PRDM2: variants seen among roughly 807,000 people sequenced by gnomAD.
PRDM2 encodes the protein PR domain zinc finger protein 2.
A neutral mutation model predicts 130.0 loss-of-function variants in PRDM2; 30 were observed. The observed-to-expected ratio is 0.23, with a 90% CI of 0.17 to 0.31. The LOEUF (loss-of-function observed/expected upper bound fraction) is 0.31. Ranked by LOEUF, PRDM2 falls within the 10% of genes least tolerant of loss-of-function variation. The probability of loss-of-function intolerance (pLI) is 1.00; values close to 1 mark genes in which losing one functional copy is unlikely to be tolerated. For missense variants in PRDM2, 2,011 were observed against 2,108.4 expected (o/e 0.95, Z 0.90); for synonymous variants, 871 against 782.4 (o/e 1.11, Z -1.89).
In PRDM2 at chr1:13,771,782, T is replaced by TC. The variant is rs1644366049; in HGVS notation, c.512-1296_512-1295insC. On this transcript the variant is annotated intron_variant, in intron 6 of 9. Transcript: ENST00000311066. This position sits in a 1 kb window ranked among gnomAD's most constrained non-coding sequence, Gnocchi z 4.1. ...AAATGGTATTTTAGAATTTACGTTT[T>TC]AAGACTAACAAGCAAAATGACTGTT... 6.6e-6 allele frequency: 1 copy of TC among 152,210 alleles called. No homozygotes were observed. Among genetic ancestry groups the TC allele is most frequent in the African/African-American group, 2.4e-5 (1 of 41,452 alleles). The allele number at this position is 152,210 out of a possible 1,614,324, so 9.4% of individuals were successfully genotyped here.
intron 4 of PRDM2, 64 bp from the exon 5 acceptor site, chr1:13,741,941 A>G: frequency 7.6e-7 from 1 of 1,321,664 alleles, no homozygotes; most frequent in Non-Finnish European, 1.1e-6. Context: ...AAAAGTTAAA[A>G]ATGGAGGCAT....
At chr1:13,729,500 T>A (rs540473148) in intron 2 of PRDM2, among the ~76,000 whole-genome samples, 1 of 152,352 alleles carries the variant, frequency 6.6e-6, no homozygotes, top group East Asian at 1.9e-4. Flanking sequence ...ACCAGTGTAA[T>A]ACCTTTTCCC....
At chr1:13,767,176 C>G (rs1300017760) in intron 6 of PRDM2, among the ~76,000 whole-genome samples, 1 of 152,040 alleles carries the variant, frequency 6.6e-6, no homozygotes, top group Admixed American at 6.6e-5. Flanking sequence ...AGTGGTGAAT[C>G]ATACTTGTTC....
intron 2 of PRDM2, 48 bp downstream of exon 2, chr1:13,715,662 GA>G (rs748776771): frequency 4.6e-6 from 7 of 1,507,752 alleles, no homozygotes; most frequent in Admixed American, 4.4e-5. Context: ...CTAGATGTTA[GA>G]CCAGCTCTTG....
At chr1:13,730,862 C>A in intron 2 of PRDM2, 138 bp from the exon 3 acceptor site, 1 of 606,956 alleles carries the variant, frequency 1.6e-6, no homozygotes, top group Non-Finnish European at 2.9e-6. Context: ...TGCTTGACAT[C>A]ATCGTTTTGG....
intron 8 of PRDM2, chr1:13,786,929 G>A (rs1047138268): frequency 2.0e-6 from 2 of 1,002,124 alleles, no homozygotes; most frequent in Non-Finnish European, 2.4e-6. Context: ...AGGTTTCAGG[G>A]ATGACAGATT....
chr1:13,771,039 T>C lies in PRDM2; in HGVS notation c.512-2039T>C, dbSNP rs1486921832. Among the ~76,000 whole-genome samples, 3 of 151,994 alleles carry C rather than the reference T, an allele frequency of 2.0e-5. No homozygotes were observed. Among genetic ancestry groups the C allele is most frequent in the Non-Finnish European group, 2.9e-5 (2 of 67,924 alleles). Reference sequence around the variant, plus strand: ...GCTTATGTCATAAGCATAAGAAAACTGATGGAAAGGAGGTAGAATCCAAAT... The same window carrying C: ...GCTTATGTCATAAGCATAAGAAAACCGATGGAAAGGAGGTAGAATCCAAAT... On this transcript the variant is annotated intron_variant, in intron 6 of 9. Transcript: ENST00000311066. The surrounding 1 kb of genome is among the most constrained non-coding windows in gnomAD (Gnocchi z 4.1).
chr1:13,763,514 C>T (rs1000980849), intron 6 of PRDM2, among the ~76,000 whole-genome samples: 2 of 152,018 alleles, frequency 1.3e-5, no homozygotes, highest in African/African-American at 4.8e-5. Context: ...AACGGTTTTC[C>T]TGAGTTTTAT....
chr1:13,809,026 G>A (rs1415876390), intron 8 of PRDM2, among the ~76,000 whole-genome samples: 1 of 152,204 alleles, frequency 6.6e-6, no homozygotes, highest in African/African-American at 2.4e-5. Flanking sequence ...CTGGCATGCA[G>A]CCCAGGCCTC....
intron 6 of PRDM2, among the ~76,000 whole-genome samples, chr1:13,770,851 A>G (rs1644344916): frequency 6.6e-6 from 1 of 152,206 alleles, no homozygotes; most frequent in Admixed American, 6.5e-5. Context: ...TTCACATGGT[A>G]ATAAAAGAAG....
chr1:13,740,738 G>T (rs1365470840), intron 4 of PRDM2, among the ~76,000 whole-genome samples: 1 of 152,176 alleles, frequency 6.6e-6, no homozygotes, highest in Non-Finnish European at 1.5e-5. Context: ...AATATGTCAG[G>T]CATGTAGCAT....
At chr1:13,749,599 C>T (rs919498556) in intron 6 of PRDM2, 112 bp downstream of exon 6, 76 of 648,690 alleles carry the variant, frequency 1.2e-4, no homozygotes, top group Non-Finnish European at 1.4e-4. Context: ...CGGGCTCGGG[C>T]GGCGGCGCCC....
At chr1:13,787,132 CTT>C (rs1161165179) in intron 8 of PRDM2, 53 of 985,370 alleles carry the variant, frequency 5.4e-5, no homozygotes, top group Non-Finnish European at 6.4e-5. Flanking sequence ...GATATGGACT[CTT>C]TTTTATGCCT....
intron 5 of PRDM2, among the ~76,000 whole-genome samples, chr1:13,747,932 T>C (rs907793064): frequency 1.3e-5 from 2 of 152,240 alleles, no homozygotes; most frequent in African/African-American, 4.8e-5. Flanking sequence ...CATGTCTTTG[T>C]AGGAAAAGAA....
chr1:13,798,305 C>G (rs765896673), intron 8 of PRDM2, among the ~76,000 whole-genome samples: 18 of 152,162 alleles, frequency 1.2e-4, no homozygotes, highest in Non-Finnish European at 2.5e-4. Flanking sequence ...AATGTTGGGG[C>G]AATTAACTGC....
chr1:13,722,166 G>A (rs573051963), intron 2 of PRDM2, among the ~76,000 whole-genome samples: 2 of 152,212 alleles, frequency 1.3e-5, no homozygotes, highest in African/African-American at 4.8e-5. Context: ...CCTCGCCAAC[G>A]TTTTCCTCCC....
chr1:13,816,622 G>C (rs1330174270), intron 9 of PRDM2, 52 bp downstream of exon 9: 1 of 1,595,520 alleles, frequency 6.3e-7, no homozygotes, highest in African/African-American at 1.3e-5. Context: ...GGTCAAGGGG[G>C]TGTGGGCTTG....
chr1:13,739,023 A>C (rs1043446893), intron 4 of PRDM2: 3 of 151,640 alleles, frequency 2.0e-5, no homozygotes, highest in African/African-American at 7.3e-5. Flanking sequence ...TTTTTTACCA[A>C]ATTGAGATTA....
chr1:13,718,320 T>C (rs1270589245), intron 2 of PRDM2, among the ~76,000 whole-genome samples: 2 of 152,192 alleles, frequency 1.3e-5, no homozygotes, highest in African/African-American at 4.8e-5. Context: ...GACAATAGCA[T>C]AGAATAATTT....
Sources: gnomAD v4.1 joint callset for allele counts (sites outside exome capture counted in the v4.1 genomes callset) on GRCh38, gnomAD v4.1.1 for gene constraint, Gnocchi (gnomAD v3.1) non-coding constraint, MANE v1.5 for transcripts, NCBI Gene and HGNC (gene_info 2026-07-23, HGNC 2026-07-21) for gene names.